NAV3: variants seen among roughly 807,000 people sequenced by gnomAD.
NAV3 encodes the protein neuron navigator 3, also known as pore membrane and/or filament interacting like protein 1.
A neutral mutation model predicts 244.7 loss-of-function variants in NAV3; 87 were observed. That is an observed-to-expected ratio of 0.36 (90% CI 0.30 to 0.42). The LOEUF (loss-of-function observed/expected upper bound fraction) is 0.42, where lower values mean the gene tolerates loss of function less well. Ranked by LOEUF, NAV3 falls within the 20% of genes least tolerant of loss-of-function variation. The pLI, the probability that NAV3 is intolerant of heterozygous loss-of-function variation, is 1.00. For missense variants in NAV3, 2,663 were observed against 2,893.3 expected (o/e 0.92, Z 1.83); for synonymous variants, 1,126 against 1,042.2 (o/e 1.08, Z -1.55).
rs1955504912 is a variant in NAV3 at position 78,118,152 on chromosome 12, C to T, written c.2895C>T (p.Ser965=). The T allele has an allele frequency of 6.2e-7, 1 of 1,613,964 alleles. No individual in the cohort carries two copies. The highest frequency in any genetic ancestry group is 8.5e-7 in the Non-Finnish European group (1 of 1,179,986). The change falls in exon 14 of 40, where the codon TCC becomes TCT. Residue 965 remains serine (S), a synonymous_variant. Coordinates refer to ENST00000397909, the MANE Select transcript of NAV3 (RefSeq NM_001024383.2). ...GDAGGKWKTV[S]SGLPEDPEKA... The stretch of plus-strand genomic sequence containing the variant: ...CTGGTGGCAAGTGGAAGACTGTGTC[C>T]TCTGGACTTCCTGAAGACCCCGAGA...
chr12:77,873,166 G>T (rs944799673), intron 1 of NAV3, among the ~76,000 whole-genome samples: 3 of 152,094 alleles, frequency 2.0e-5, no homozygotes, highest in Non-Finnish European at 4.4e-5. Flanking sequence ...TGATTGTGAG[G>T]CCTCTCCAGC....
Position 77,893,490 on chromosome 12 carries a change from T to C in NAV3, c.244-46829T>C, listed in dbSNP as rs1438811722. Among the ~76,000 whole-genome samples the C allele has an allele frequency of 2.6e-5, 4 of 152,190 alleles. No individual in the cohort carries two copies. The East Asian group carries it at 7.7e-4, about 29-fold the overall frequency. On this transcript the variant is annotated intron_variant, in intron 1 of 39. Coordinates refer to ENST00000397909, the MANE Select transcript of NAV3 (RefSeq NM_001024383.2). ...AGTTGAAATGCATAGAATATTTATATTGACATTGTCATGTCTGTATATTGA... is the reference window on the plus strand; with the variant it reads ...AGTTGAAATGCATAGAATATTTATACTGACATTGTCATGTCTGTATATTGA...
Position 77,968,657 on chromosome 12 carries a change from C to T in NAV3, c.626C>T (p.Pro209Leu), listed in dbSNP as rs377646707. Reference sequence around the variant, plus strand: ...CAGCGAGTTACTCACGCTTCCCCTCCATCGGAAGCCAGCCAGGCCAAAACC... The same window carrying T: ...CAGCGAGTTACTCACGCTTCCCCTCTATCGGAAGCCAGCCAGGCCAAAACC... ...LQQRVTHASP[P>L]SEASQAKTQQ... is the part of the protein sequence containing the mutation. Residue 209 changes from proline (P) to leucine (L), a missense_variant, in exon 5 of 40, where the codon CCA becomes CTA. Pro to Leu is a moderately conservative substitution (Grantham distance 98, BLOSUM62 -3). Coordinates refer to ENST00000397909, the MANE Select transcript of NAV3 (RefSeq NM_001024383.2). 13 of 1,614,054 alleles carry T rather than the reference C, an allele frequency of 8.1e-6. No individual in the cohort carries two copies. The African/African-American group carries it at 1.6e-4, about 20-fold the overall frequency.
chr12:78,079,128 C>T (rs567863002), intron 12 of NAV3, among the ~76,000 whole-genome samples: 7 of 152,310 alleles, frequency 4.6e-5, no homozygotes, highest in Non-Finnish European at 1.0e-4. Context: ...GAAAGTGTCA[C>T]ACCTTTTGTA....
chr12:77,939,094 A>T (rs1380241308), intron 1 of NAV3, among the ~76,000 whole-genome samples: 1 of 152,048 alleles, frequency 6.6e-6, no homozygotes, highest in East Asian at 1.9e-4. Flanking sequence ...CTTCTGGTTT[A>T]TTATTATTAC....
intron 2 of NAV3, among the ~76,000 whole-genome samples, chr12:77,815,827 CT>C (rs930074919): frequency 6.6e-6 from 1 of 152,058 alleles, no homozygotes; most frequent in Non-Finnish European, 1.5e-5. Flanking sequence ...TACTTAGCAA[CT>C]TTTAGATATA....
chr12:77,758,029 T>G (rs1412714738), intron 2 of NAV3, among the ~76,000 whole-genome samples: 1 of 152,212 alleles, frequency 6.6e-6, no homozygotes, highest in Non-Finnish European at 1.5e-5. Context: ...GACTTCTTCA[T>G]GATCCAAAAT....
intron 1 of NAV3, among the ~76,000 whole-genome samples, chr12:77,874,449 G>A (rs1881548633): frequency 6.6e-6 from 1 of 151,914 alleles, no homozygotes; most frequent in Non-Finnish European, 1.5e-5. Context: ...GGCTCAAGCA[G>A]TCCTTCCTGC....
chr12:77,977,727 CA>C (rs1868766279), intron 5 of NAV3, among the ~76,000 whole-genome samples: 2 of 151,268 alleles, frequency 1.3e-5, no homozygotes, highest in African/African-American at 4.9e-5. Context: ...CACACACACA[CA>C]CACACACACA....
chr12:78,095,484 G>A (rs1438963667), intron 12 of NAV3, among the ~76,000 whole-genome samples: 2 of 152,180 alleles, frequency 1.3e-5, no homozygotes, highest in Non-Finnish European at 2.9e-5. Context: ...AATGGGAAAC[G>A]AGGCTAAACC....
intron 12 of NAV3, among the ~76,000 whole-genome samples, chr12:78,107,909 C>T (rs979465817): frequency 6.6e-6 from 1 of 151,928 alleles, no homozygotes; most frequent in Non-Finnish European, 1.5e-5. Context: ...AAGAAAGGAA[C>T]AAAAATATAT....
At chr12:77,750,515 C>A (rs929715473) in intron 2 of NAV3, among the ~76,000 whole-genome samples, 2 of 151,374 alleles carry the variant, frequency 1.3e-5, no homozygotes, top group African/African-American at 4.9e-5. Context: ...TGCACTCCAA[C>A]CTGAGCAATA....
At chr12:77,904,421 A>G (rs1444216319) in intron 1 of NAV3, among the ~76,000 whole-genome samples, 2 of 152,068 alleles carry the variant, frequency 1.3e-5, no homozygotes, top group African/African-American at 2.4e-5. Context: ...GCATGTTCTC[A>G]CTCATAGTTG....
chr12:77,763,983 G>A (rs1182501261), intron 2 of NAV3, among the ~76,000 whole-genome samples: 1 of 152,236 alleles, frequency 6.6e-6, no homozygotes, highest in Non-Finnish European at 1.5e-5. Context: ...GGATCCAGGA[G>A]AGGGGCCTCG....
chr12:78,067,985 AAAGAGGAGGAGG>A (rs1885223580), intron 12 of NAV3, among the ~76,000 whole-genome samples: 1 of 152,112 alleles, frequency 6.6e-6, no homozygotes, highest in Admixed American at 6.6e-5. Flanking sequence ...AAGGAGGAGA[AAAGAGGAGGAGG>A]AAGAGGAGGA....
chr12:77,747,009 C>T (rs911678567), intron 2 of NAV3, among the ~76,000 whole-genome samples: 8 of 152,058 alleles, frequency 5.3e-5, no homozygotes, highest in Admixed American at 1.3e-4. Flanking sequence ...ATGTTTTAGG[C>T]CTTGAAAATA....
At chr12:78,193,052 A>G (rs565810747) in intron 34 of NAV3, among the ~76,000 whole-genome samples, 1 of 152,320 alleles carries the variant, frequency 6.6e-6, no homozygotes, top group African/African-American at 2.4e-5. Flanking sequence ...TGTTCCTGAA[A>G]ACCTGGAGCT....
At chr12:77,802,649 C>G (rs548755271) in intron 2 of NAV3, among the ~76,000 whole-genome samples, 15 of 152,144 alleles carry the variant, frequency 9.9e-5, no homozygotes, top group African/African-American at 3.6e-4. Context: ...AAAAACAACA[C>G]TCTTCTTTTC....
At chr12:77,792,338 T>G (rs2135946483) in intron 2 of NAV3, among the ~76,000 whole-genome samples, 1 of 152,292 alleles carries the variant, frequency 6.6e-6, no homozygotes, top group South Asian at 2.1e-4. Context: ...GGTGGAGAAT[T>G]AATCCTAAGC....
Sources: allele counts gnomAD v4.1 joint callset (sites outside exome capture counted in the v4.1 genomes callset), GRCh38; gene constraint gnomAD v4.1.1; transcripts MANE v1.5; gene names NCBI Gene and HGNC (gene_info 2026-07-23, HGNC 2026-07-21).